CD163L1: variants seen among roughly 807,000 people sequenced by gnomAD.
CD163L1 encodes the protein CD163 molecule like 1, also known as scavenger receptor cysteine-rich type 1 protein M160.
Under a neutral mutation model 165.4 loss-of-function variants are expected in CD163L1, and 124 were observed. The ratio of observed to expected loss-of-function variants is 0.75; its 90% CI spans 0.65 to 0.87. CD163L1 has a LOEUF of 0.87. CD163L1 is among the 40% of genes least tolerant of loss of function. The pLI is 0.00. For missense variants in CD163L1, 1,525 were observed against 1,799.9 expected (o/e 0.85, Z 2.76); for synonymous variants, 585 against 662.2 (o/e 0.88, Z 1.79).
At chr12:7,385,367 T>C (rs1252155670) in intron 8 of CD163L1, among the ~76,000 whole-genome samples, 1 of 151,620 alleles carries the variant, frequency 6.6e-6, no homozygotes, top group Non-Finnish European at 1.5e-5. Flanking sequence ...ATAAAGCAAA[T>C]ATTATTAGAC....
chr12:7,367,140 G>A, intron 18 of CD163L1, 96 bp downstream of exon 18: 3 of 640,206 alleles, frequency 4.7e-6, no homozygotes, highest in Non-Finnish European at 8.3e-6. Context: ...AAGAGGCTGA[G>A]ACACATCTCC....
chr12:7,329,174 G>A, the CD163L1 span, among the ~76,000 whole-genome samples: 1 of 147,358 alleles, frequency 6.8e-6, no homozygotes, highest in African/African-American at 2.5e-5. Flanking sequence ...AAGTGTATAT[G>A]TATATATATA....
intron 11 of CD163L1, 140 bp downstream of exon 11, chr12:7,375,141 C>T (rs1947236809): frequency 2.3e-6 from 2 of 882,234 alleles, no homozygotes; most frequent in Non-Finnish European, 1.7e-6. Flanking sequence ...TTATTTCTTA[C>T]ATGTTACTCT....
At position 7,374,823 on chromosome 12, in the gene CD163L1, C is replaced by T. The variant is rs2054320926; in HGVS notation, c.3094+8G>A. The T allele has an allele frequency of 6.2e-7, 1 of 1,614,174 alleles. No individual in the cohort carries two copies. The highest frequency in any genetic ancestry group is 1.7e-5 in the Admixed American group (1 of 60,022). Reference sequence around the variant, plus strand: ...GTTGCAGTGTTTCCTAAAACTGATTCTGCTTACCTAAGCAGATCAAAGCAC... The same window carrying T: ...GTTGCAGTGTTTCCTAAAACTGATTTTGCTTACCTAAGCAGATCAAAGCAC... On this transcript the variant is annotated splice_region_variant and intron_variant, in intron 12 of 19. Coordinates refer to ENST00000313599, the MANE Select transcript of CD163L1 (RefSeq NM_174941.6). This position sits in a 1 kb window ranked among gnomAD's most constrained non-coding sequence, Gnocchi z 5.4.
At chr12:7,433,929 G>T (rs1164929457) in intron 2 of CD163L1, among the ~76,000 whole-genome samples, 1 of 152,130 alleles carries the variant, frequency 6.6e-6, no homozygotes, top group Non-Finnish European at 1.5e-5. Flanking sequence ...AAAATTAAAA[G>T]AAGGGAAAGA....
chr12:7,396,102 G>T lies in CD163L1; in HGVS notation c.2043C>A (p.Ile681=), dbSNP rs747383268. 2 of 1,611,550 alleles carry T rather than the reference G, an allele frequency of 1.2e-6. No homozygotes were observed. The highest frequency in any genetic ancestry group is 1.3e-5 in the African/African-American group (1 of 74,898). ...CTGGTTTGGGTATCTTACCAGAACA[G>T]ATCACTCCAACATCTTCACTGTGAC... ...DCSHSEDVGV[I]CSDASDMELR... The change falls in exon 8 of 20, where the codon ATC becomes ATA. Residue 681 remains isoleucine, a synonymous_variant. Coordinates refer to ENST00000313599, the MANE Select transcript of CD163L1 (RefSeq NM_174941.6).
intron 2 of CD163L1, chr12:7,440,137 C>G (rs1948804662): frequency 8.8e-6 from 6 of 683,364 alleles, no homozygotes. Context: ...AGCGTGGCCA[C>G]GTCCCGCTCA....
intron 4 of CD163L1, among the ~76,000 whole-genome samples, chr12:7,412,064 A>C (rs1015637654): frequency 1.3e-5 from 2 of 152,206 alleles, no homozygotes; most frequent in Admixed American, 1.3e-4. Context: ...CATAAGTGAG[A>C]CCAAGGAGAA....
intron 8 of CD163L1, among the ~76,000 whole-genome samples, chr12:7,387,364 G>A (rs538795450): frequency 1.3e-5 from 2 of 152,190 alleles, no homozygotes; most frequent in Non-Finnish European, 2.9e-5. Context: ...GACATCTCGT[G>A]CTTTTTGATT....
At chr12:7,393,945 T>A (rs1265973367) in intron 8 of CD163L1, among the ~76,000 whole-genome samples, 1 of 152,070 alleles carries the variant, frequency 6.6e-6, no homozygotes, top group African/African-American at 2.4e-5. Flanking sequence ...GGAAGAACAT[T>A]CCATGCTCAT....
At chr12:7,346,605 C>T (rs1364889354), downstream of CD163L1, 4 of 152,112 alleles carry the variant, frequency 2.6e-5, no homozygotes, top group African/African-American at 9.7e-5. Context: ...TAATTCTTTC[C>T]AGTGTTAAAC....
At chr12:7,440,674 T>A (rs1034379104) in intron 2 of CD163L1, among the ~76,000 whole-genome samples, 1 of 150,570 alleles carries the variant, frequency 6.6e-6, no homozygotes, top group African/African-American at 2.4e-5. Flanking sequence ...TCGCCCAGGC[T>A]GGAGTGTAGG....
At chr12:7,423,363 C>T (rs1948475403) in intron 4 of CD163L1, among the ~76,000 whole-genome samples, 1 of 152,012 alleles carries the variant, frequency 6.6e-6, no homozygotes, top group East Asian at 1.9e-4. Flanking sequence ...ATTAAATGCC[C>T]ACATCAGAAA....
the CD163L1 span, chr12:7,322,425 T>G: frequency 6.2e-7 from 1 of 1,613,746 alleles, no homozygotes; most frequent in Non-Finnish European, 8.5e-7. Context: ...CAGATATAAA[T>G]TCAAGAGTCT....
the CD163L1 span, among the ~76,000 whole-genome samples, chr12:7,329,456 T>C: frequency 6.6e-6 from 1 of 151,696 alleles, no homozygotes; most frequent in African/African-American, 2.4e-5. Flanking sequence ...AAGCTTGATA[T>C]TTGGCCATAC....
downstream of CD163L1, among the ~76,000 whole-genome samples, chr12:7,345,353 A>G (rs958727971): frequency 6.6e-6 from 1 of 152,178 alleles, no homozygotes; most frequent in Non-Finnish European, 1.5e-5. Context: ...TGAAACTTCC[A>G]TAGATCCCTA....
chr12:7,351,214 G>T (rs564915968), downstream of CD163L1, among the ~76,000 whole-genome samples: 17 of 152,050 alleles, frequency 1.1e-4, no homozygotes, highest in Non-Finnish European at 2.5e-4. Context: ...AAATATGTGT[G>T]TAATATGTGT....
intron 2 of CD163L1, chr12:7,439,002 T>C: frequency 6.2e-7 from 1 of 1,604,886 alleles, no homozygotes; most frequent in Non-Finnish European, 8.5e-7. Context: ...GGGGTCTTCT[T>C]TTTCCTCCTG....
At position 7,368,925 on chromosome 12, in the gene CD163L1, G is replaced by T; in HGVS notation, c.4072+8C>A. On this transcript the variant is annotated splice_region_variant and intron_variant, in intron 16 of 19. Transcript: ENST00000313599. This position sits in a 1 kb window ranked among gnomAD's most constrained non-coding sequence, Gnocchi z 4.3. The stretch of plus-strand genomic sequence containing the variant: ...TTTGTGTCAGCACTGATAGGCAGAA[G>T]ACTATACCTGAGGAGGCATTCAGTG... The T allele has an allele frequency of 6.2e-7, 1 of 1,613,406 alleles. No homozygotes were observed. Among genetic ancestry groups the T allele is most frequent in the Non-Finnish European group, 8.5e-7 (1 of 1,179,616 alleles).
Sources: gnomAD v4.1 joint callset for allele counts (sites outside exome capture counted in the v4.1 genomes callset) on GRCh38, gnomAD v4.1.1 for gene constraint, Gnocchi (gnomAD v3.1) non-coding constraint, MANE v1.5 for transcripts, NCBI Gene and HGNC (gene_info 2026-07-23, HGNC 2026-07-21) for gene names.